The following ZNF419 variants were observed in gnomAD, a reference collection of about 807,000 sequenced individuals.
The protein encoded by ZNF419 is zinc finger protein 419A.
In ZNF419, 8 loss-of-function variants were observed where a neutral mutation model predicts 14.9. That is an observed-to-expected ratio of 0.54 (90% CI 0.32 to 0.97). The LOEUF (loss-of-function observed/expected upper bound fraction) is 0.97. Ranked by LOEUF, ZNF419 falls within the 50% of genes least tolerant of loss-of-function variation. The pLI, the probability that ZNF419 is intolerant of heterozygous loss-of-function variation, is 0.04. For missense variants in ZNF419, 595 were observed against 607.2 expected, an observed-to-expected ratio of 0.98 and a Z score of 0.21; for synonymous variants, 211 against 205.3, an observed-to-expected ratio of 1.03 and a Z score of -0.24.
In ZNF419 at chr19:57,493,134, A is replaced by G. The variant is rs750656825; in HGVS notation, c.577A>G (p.Arg193Gly). 1 of 1,614,070 alleles carries G rather than the reference A, an allele frequency of 6.2e-7. No individual in the cohort carries two copies. Among genetic ancestry groups the G allele is most frequent in the Admixed American group, 1.7e-5 (1 of 59,998 alleles). Residue 193 changes from arginine to glycine, a missense_variant, in exon 5 of 5, where the codon AGG becomes GGG. Physicochemically the swap from Arg to Gly is moderately radical, Grantham distance 125. Transcript: ENST00000221735. ...GEKSHRSSKSREAFHAGKRHY... is the reference protein window; with the variant it reads ...GEKSHRSSKSGEAFHAGKRHY... The stretch of plus-strand genomic sequence containing the variant: ...GAAGTCACATAGGAGCTCCAAAAGT[A>G]GGGAGGCCTTTCATGCTGGAAAAAG...
At chr19:57,491,447 A>G (rs766228580) in intron 2 of ZNF419, 24 bp from the exon 3 acceptor site, 20 of 1,611,384 alleles carry the variant, frequency 1.2e-5, no homozygotes, top group Admixed American at 3.3e-5. Context: ...CTGCAGATAA[A>G]CTCTACTCTG....
In ZNF419 at chr19:57,492,973, G is replaced by T. The variant is rs749253136; in HGVS notation, c.416G>T (p.Arg139Ile). 1.9e-6 allele frequency: 3 copies of T among 1,614,206 alleles called. No homozygotes were observed. Among genetic ancestry groups the T allele is most frequent in the Non-Finnish European group, 2.5e-6 (3 of 1,180,038 alleles). ...CACTGTGGAGAGAAACCCTTAAAAA[G>T]ACAAGAGGGCAGGGTCCCAGTTTTG... ...KQHCGEKPLK[R>I]QEGRVPVLRS... Residue 139 changes from arginine (R) to isoleucine (I), a missense_variant, in exon 5 of 5, where the codon AGA becomes ATA. Transcript: ENST00000221735.
Position 57,494,254 on chromosome 19 carries a change from G to A in ZNF419, c.*164G>A. On this transcript the variant is annotated 3_prime_UTR_variant, in exon 5 of 5. Coordinates refer to ENST00000221735, the MANE Select transcript of ZNF419 (RefSeq NM_024691.4). ...GGACAATGTAGTGAATATGGAAAAA[G>A]GTTTCAGCCAAAGGCCTAACCCTAT... The A allele has an allele frequency of 8.7e-7, 1 of 1,154,498 alleles. No individual in the cohort carries two copies. 71.5% of individuals were successfully genotyped at this position (1,154,498 alleles called of 1,614,324 possible).
intron 1 of ZNF419, 154 bp downstream of exon 1, chr19:57,488,137 C>G (rs1156677283): frequency 3.3e-6 from 4 of 1,197,364 alleles, no homozygotes; most frequent in Non-Finnish European, 4.6e-6. Flanking sequence ...GCAAGGGGCC[C>G]GGCTCGCAAA....
At chr19:57,492,693 T>C (rs770732795) in intron 4 of ZNF419, 163 bp from the exon 5 acceptor site, 2 of 991,926 alleles carry the variant, frequency 2.0e-6, no homozygotes, top group Admixed American at 3.4e-5. Flanking sequence ...GCTGGCCAGA[T>C]TCAGCACTGC....
rs1272939235 is a variant in ZNF419 at position 57,494,709 on chromosome 19, T to A, written c.*619T>A. 24 of 177,078 alleles carry A rather than the reference T, an allele frequency of 1.4e-4. No homozygotes were observed. The highest frequency in any genetic ancestry group is 2.4e-5 in the African/African-American group (1 of 42,384). The allele number at this position is 177,078 out of a possible 1,614,324, so 11.0% of individuals were successfully genotyped here. A position where few individuals can be genotyped will look rare whatever the true frequency, so the allele number is the denominator to read the frequency against. On this transcript the variant is annotated 3_prime_UTR_variant, in exon 5 of 5. Coordinates refer to ENST00000221735, the MANE Select transcript of ZNF419 (RefSeq NM_024691.4). The stretch of plus-strand genomic sequence containing the variant: ...AGAGACTGAATTGTGTTTTTATAAT[T>A]TTCACCCTTTTGGCTGTGTAACAGG...
rs1247954119 is a variant in ZNF419, at chr19:57,495,073, G to A, written c.*983G>A. On this transcript the variant is annotated 3_prime_UTR_variant, in exon 5 of 5. Transcript: ENST00000221735. ...TGCCTGTTTTTTAAAACATTTGGTT[G>A]GTTACAAGTTCTTAATATTTCTGGA... The A allele has an allele frequency of 6.6e-6, 1 of 152,136 alleles. No homozygotes were observed. The highest frequency in any genetic ancestry group is 1.5e-5 in the Non-Finnish European group (1 of 68,022). 9.4% of individuals were successfully genotyped at this position (152,136 alleles called of 1,614,324 possible).
Position 57,493,011 on chromosome 19 carries a change from G to C in ZNF419, c.454G>C (p.Val152Leu). 6.2e-7 allele frequency: 1 copy of C among 1,614,162 alleles called. No individual in the cohort carries two copies. The highest frequency in any genetic ancestry group is 8.5e-7 in the Non-Finnish European group (1 of 1,180,038). Residue 152 changes from valine (V) to leucine (L), a missense_variant, in exon 5 of 5, where the codon GTT (valine) becomes CTT (leucine). Coordinates refer to ENST00000221735, the MANE Select transcript of ZNF419 (RefSeq NM_024691.4). ...GGTCCCAGTTTTGAGGAGTTGCAAA[G>C]TTCACCTATCAGAGAAGTCCTTGCA... ...GRVPVLRSCK[V>L]HLSEKSLQSR...
Position 57,493,497 on chromosome 19 carries a change from C to A in ZNF419, c.940C>A (p.Pro314Thr), listed in dbSNP as rs1271824121. The change falls in exon 5 of 5, where the codon CCT becomes ACT. Residue 314 changes from proline (P) to threonine (T), a missense_variant. Pro to Thr is a conservative substitution (Grantham distance 38). Coordinates refer to ENST00000221735, the MANE Select transcript of ZNF419 (RefSeq NM_024691.4). ...QHHKIHTGVR[P>T]YECSECGKLF... ...TCACAAAATCCACACTGGAGTAAGG[C>A]CTTATGAGTGCAGTGAATGTGGAAA... The A allele has an allele frequency of 4.3e-6, 7 of 1,614,052 alleles. No individual in the cohort carries two copies. Among genetic ancestry groups the A allele is most frequent in the Non-Finnish European group, 5.9e-6 (7 of 1,180,028 alleles).
At position 57,493,833 on chromosome 19, in the gene ZNF419, C is replaced by T. The variant is rs1261023183; in HGVS notation, c.1276C>T (p.Pro426Ser). The stretch of plus-strand genomic sequence containing the variant: ...TCAGAGGGTTCACACTGGAGCAAAG[C>T]CTTATGAGTGCAGGGAATGTGGGAA... ...RHQRVHTGAK[P>S]YECRECGKFF... The change falls in exon 5 of 5, where the codon CCT becomes TCT. Residue 426 changes from proline to serine, a missense_variant. Transcript: ENST00000221735. The T allele has an allele frequency of 6.2e-7, 1 of 1,614,012 alleles. No individual in the cohort carries two copies. The highest frequency in any genetic ancestry group is 1.1e-5 in the South Asian group (1 of 91,068).
chr19:57,493,772 G>T lies in ZNF419; in HGVS notation c.1215G>T (p.Gly405=). The change falls in exon 5 of 5, where the codon GGG becomes GGT. Residue 405 remains glycine (G), a synonymous_variant. Transcript: ENST00000221735. Reference sequence around the variant, plus strand: ...AGCCTTTTAAGTGCAATGAATGTGGGAGATTCTTTAGAGAGAATTCCACCC... The same window carrying T: ...AGCCTTTTAAGTGCAATGAATGTGGTAGATTCTTTAGAGAGAATTCCACCC... The part of the protein sequence containing the change: ...GEKPFKCNEC[G]RFFRENSTLV... The T allele has an allele frequency of 6.2e-7, 1 of 1,614,084 alleles. No individual in the cohort carries two copies. Among genetic ancestry groups the T allele is most frequent in the South Asian group, 1.1e-5 (1 of 91,078 alleles).
chr19:57,489,073 G>A lies in ZNF419; in HGVS notation c.34-1074G>A, dbSNP rs2089423305. The A allele has an allele frequency of 2.6e-5, 4 of 152,410 alleles. No homozygotes were observed. In the East Asian group the frequency reaches 7.7e-4, roughly 29 times the overall value. 9.4% of individuals were successfully genotyped at this position (152,410 alleles called of 1,614,324 possible). A position where few individuals can be genotyped will look rare whatever the true frequency, so the allele number is the denominator to read the frequency against. On this transcript the variant is annotated intron_variant, in intron 1 of 4. Transcript: ENST00000221735. ...AAAAGGAAACGTCAGCCAGGCTGCTGGAGCAGCCCCTTTGGTGCCTAAGTT... is the reference window on the plus strand; with the variant it reads ...AAAAGGAAACGTCAGCCAGGCTGCTAGAGCAGCCCCTTTGGTGCCTAAGTT...
intron 4 of ZNF419, 169 bp from the exon 5 acceptor site, chr19:57,492,687 G>A (rs773025134): frequency 1.1e-6 from 1 of 947,466 alleles, no homozygotes; most frequent in Non-Finnish European, 1.7e-6. Flanking sequence ...CCTTGAGCTG[G>A]CCAGATTCAG....
chr19:57,495,725 C>CAAAAAAAAAA lies in ZNF419; in HGVS notation c.*1670_*1679dup, dbSNP rs532907966. 2.0e-5 allele frequency: 1 copy of CAAAAAAAAAA among 49,158 alleles called. No individual in the cohort carries two copies. Among genetic ancestry groups the CAAAAAAAAAA allele is most frequent in the African/African-American group, 8.7e-5 (1 of 11,546 alleles). The allele number at this position is 49,158 out of a possible 1,614,324, so 3.0% of individuals were successfully genotyped here. A position where few individuals can be genotyped will look rare whatever the true frequency, so the allele number is the denominator to read the frequency against. The stretch of plus-strand genomic sequence containing the variant: ...TGGGGCACAAAGCCAGACTCTGTCT[C>CAAAAAAAAAA]AAAAAAAAAAAAAAAAAAAAAAAAA... On this transcript the variant is annotated 3_prime_UTR_variant, in exon 5 of 5. Transcript: ENST00000221735.
chr19:57,494,109 C>A lies in ZNF419; in HGVS notation c.*19C>A. The A allele has an allele frequency of 3.8e-6, 6 of 1,567,436 alleles. No individual in the cohort carries two copies. Among genetic ancestry groups the A allele is most frequent in the African/African-American group, 1.4e-5 (1 of 73,092 alleles). Reference sequence around the variant, plus strand: ...GCAGTGATTGTGTGAAATCCTTTAGCCAGCGTTTCAACCTCATTCAACACC... The same window carrying A: ...GCAGTGATTGTGTGAAATCCTTTAGACAGCGTTTCAACCTCATTCAACACC... On this transcript the variant is annotated 3_prime_UTR_variant, in exon 5 of 5. Coordinates refer to ENST00000221735, the MANE Select transcript of ZNF419 (RefSeq NM_024691.4).
rs1397638011 is a variant in ZNF419 at position 57,488,225 on chromosome 19, C to T, written c.33+242C>T. The T allele has an allele frequency of 7.6e-5, 43 of 565,782 alleles. No individual in the cohort carries two copies. The African/African-American group carries it at 7.8e-4, about 10-fold the overall frequency. 35.0% of individuals were successfully genotyped at this position (565,782 alleles called of 1,614,324 possible). On this transcript the variant is annotated intron_variant, in intron 1 of 4. Transcript: ENST00000221735. ...GTGGGCAGCTTGGGAAGGGACGAGGCGCGTGTCGAGCGACAGCCCGAGCAG... is the reference window on the plus strand; with the variant it reads ...GTGGGCAGCTTGGGAAGGGACGAGGTGCGTGTCGAGCGACAGCCCGAGCAG...
chr19:57,495,145 T>A lies in ZNF419; in HGVS notation c.*1055T>A, dbSNP rs909869661. On this transcript the variant is annotated 3_prime_UTR_variant, in exon 5 of 5. Transcript: ENST00000221735. The stretch of plus-strand genomic sequence containing the variant: ...AAGCATTGTCAATATTTTCTCATGG[T>A]CCATGGCTTTTGTTTTCTTTTCTTT... 3.9e-5 allele frequency: 6 copies of A among 152,196 alleles called. No homozygotes were observed. The highest frequency in any genetic ancestry group is 1.2e-4 in the African/African-American group (5 of 41,448). 9.4% of individuals were successfully genotyped at this position (152,196 alleles called of 1,614,324 possible).
Position 57,493,962 on chromosome 19 carries a change from A to G in ZNF419, c.1405A>G (p.Ser469Gly). Residue 469 changes from serine to glycine, a missense_variant, in exon 5 of 5, where the codon AGC becomes GGC. Coordinates refer to ENST00000221735, the MANE Select transcript of ZNF419 (RefSeq NM_024691.4). Reference sequence around the variant, plus strand: ...TGGGAGATTGTTTAGAGAGAATTCCAGCCTTGTTAAACATCAGAGGGTTCA... The same window carrying G: ...TGGGAGATTGTTTAGAGAGAATTCCGGCCTTGTTAAACATCAGAGGGTTCA... ...ECGRLFRENS[S>G]LVKHQRVHTG... The G allele has an allele frequency of 6.2e-7, 1 of 1,614,112 alleles. No individual in the cohort carries two copies. Among genetic ancestry groups the G allele is most frequent in the East Asian group, 2.2e-5 (1 of 44,826 alleles).
In ZNF419 at chr19:57,493,537, A is replaced by T; in HGVS notation, c.980A>T (p.Asn327Ile). The change falls in exon 5 of 5, where the codon AAC becomes ATC. Residue 327 changes from asparagine (N) to isoleucine (I), a missense_variant. Coordinates refer to ENST00000221735, the MANE Select transcript of ZNF419 (RefSeq NM_024691.4). ...GAATGTGGAAAATTGTTTAGTTTCA[A>T]CTCCAGCCTCATGAAACATCAGAGA... The part of the protein sequence containing the change: ...CSECGKLFSF[N>I]SSLMKHQRIH... 1 of 1,608,098 alleles carries T rather than the reference A, an allele frequency of 6.2e-7. No individual in the cohort carries two copies. Among genetic ancestry groups the T allele is most frequent in the Non-Finnish European group, 8.5e-7 (1 of 1,175,056 alleles).
Sources: allele counts gnomAD v4.1 joint callset, GRCh38; gene constraint gnomAD v4.1.1; transcripts MANE v1.5; gene names NCBI Gene and HGNC (gene_info 2026-07-23, HGNC 2026-07-21).